Variants in NRDE2 observed in about 807,000 individuals in gnomAD.
NRDE2 encodes nuclear exosome regulator NRDE2.
In NRDE2, 76 loss-of-function variants were observed where a neutral mutation model predicts 124.2. That is an observed-to-expected ratio of 0.61 (90% CI 0.51 to 0.74). NRDE2 has a LOEUF of 0.74. Ranked by LOEUF, NRDE2 falls within the 30% of genes least tolerant of loss-of-function variation. The probability of loss-of-function intolerance (pLI) is 0.00; values close to 1 mark genes in which losing one functional copy is unlikely to be tolerated. For missense variants in NRDE2, 1,314 were observed against 1,417.3 expected (o/e 0.93, Z 1.17); for synonymous variants, 489 against 528.1 (o/e 0.93, Z 1.01).
chr14:90,319,164 A>G (rs144945928), intron 1 of NRDE2, among the ~76,000 whole-genome samples: 214 of 152,246 alleles, frequency 1.4e-3, no homozygotes, highest in African/African-American at 5.0e-3. Flanking sequence ...AAGAAAAAAA[A>G]CATGGGATGG....
intron 1 of NRDE2, among the ~76,000 whole-genome samples, chr14:90,330,350 C>T (rs1028369019): frequency 1.3e-5 from 2 of 152,118 alleles, no homozygotes; most frequent in East Asian, 1.9e-4. Context: ...TATTAAGTAA[C>T]TACTATCGAT....
intron 1 of NRDE2, among the ~76,000 whole-genome samples, chr14:90,327,972 T>C (rs989846345): frequency 6.6e-6 from 1 of 152,098 alleles, no homozygotes; most frequent in Non-Finnish European, 1.5e-5. Context: ...TGAAACCCCC[T>C]ATCTACTAAA....
intron 7 of NRDE2, among the ~76,000 whole-genome samples, chr14:90,299,178 C>G (rs1475396829): frequency 6.6e-6 from 1 of 152,140 alleles, no homozygotes; most frequent in Non-Finnish European, 1.5e-5. Flanking sequence ...TCCCGAGTAG[C>G]TGGGATTACA....
chr14:90,321,921 G>T (rs146795346), intron 1 of NRDE2, among the ~76,000 whole-genome samples: 3 of 152,110 alleles, frequency 2.0e-5, no homozygotes, highest in African/African-American at 7.2e-5. Context: ...CAGAGGGAGG[G>T]GCTGGGTCTG....
chr14:90,290,176 T>C (rs1191305016), intron 10 of NRDE2, 45 bp downstream of exon 10: 2 of 1,586,518 alleles, frequency 1.3e-6, no homozygotes, highest in Non-Finnish European at 8.6e-7. Context: ...AACACTGACA[T>C]GAAATGAAAA....
intron 8 of NRDE2, among the ~76,000 whole-genome samples, chr14:90,294,651 AAGT>A (rs1171528512): frequency 2.6e-5 from 4 of 152,116 alleles, no homozygotes; most frequent in Admixed American, 2.0e-4. Context: ...TAGAGACAGA[AAGT>A]AGAATGACTG....
At chr14:90,294,306 A>G (rs1438998544) in intron 8 of NRDE2, among the ~76,000 whole-genome samples, 1 of 151,828 alleles carries the variant, frequency 6.6e-6, no homozygotes, top group African/African-American at 2.4e-5. Flanking sequence ...GGAAAACAGC[A>G]TGGCATACTA....
chr14:90,280,200 T>G (rs370165866), intron 12 of NRDE2: 10 of 152,148 alleles, frequency 6.6e-5, no homozygotes, highest in African/African-American at 1.9e-4. Context: ...CCCACCTCAG[T>G]CTCCCAAGTA....
chr14:90,321,478 G>A (rs1346780086), intron 1 of NRDE2, among the ~76,000 whole-genome samples: 1 of 149,522 alleles, frequency 6.7e-6, no homozygotes, highest in African/African-American at 2.5e-5. Context: ...TTGGGAAGCT[G>A]AGAAGGGAGG....
intron 10 of NRDE2, 144 bp downstream of exon 10, chr14:90,290,077 C>T (rs538554478): frequency 1.2e-6 from 1 of 837,990 alleles, no homozygotes; most frequent in Admixed American, 2.9e-5. Flanking sequence ...AGGGCAAACA[C>T]ACACAAGGTG....
At chr14:90,325,339 G>A (rs544796260) in intron 1 of NRDE2, among the ~76,000 whole-genome samples, 3 of 152,192 alleles carry the variant, frequency 2.0e-5, no homozygotes, top group Admixed American at 1.3e-4. Context: ...TAGGGTACAC[G>A]ATCCTAGTCA....
At position 90,298,328 on chromosome 14, in the gene NRDE2, T is replaced by C; in HGVS notation, c.1598A>G (p.Lys533Arg). The change falls in exon 8 of 14, where the codon AAG (lysine) becomes AGG (arginine). Residue 533 changes from lysine (K) to arginine (R), a missense_variant. Lys to Arg is a conservative substitution (Grantham distance 26). Coordinates refer to ENST00000354366, the MANE Select transcript of NRDE2 (RefSeq NM_017970.4). ...CCACGCCTTCCAGCCTCGGGCTCCCTTCTCCCCAGCCCGGGGCTCTCCACT... is the reference window on the plus strand; with the variant it reads ...CCACGCCTTCCAGCCTCGGGCTCCCCTCTCCCCAGCCCGGGGCTCTCCACT... ...WDSGEPRAGE[K>R]GARGWKAWMH... The C allele has an allele frequency of 6.2e-7, 1 of 1,613,718 alleles. No individual in the cohort carries two copies. Among genetic ancestry groups the C allele is most frequent in the Non-Finnish European group, 8.5e-7 (1 of 1,179,932 alleles).
intron 1 of NRDE2, among the ~76,000 whole-genome samples, chr14:90,328,708 T>C (rs906666951): frequency 1.3e-5 from 2 of 152,184 alleles, no homozygotes; most frequent in Non-Finnish European, 2.9e-5. Context: ...ATTAATTGAC[T>C]AGAGGTAAAT....
At chr14:90,312,357 T>C (rs749746035) in intron 4 of NRDE2, 37 bp downstream of exon 4, 18 of 1,609,988 alleles carry the variant, frequency 1.1e-5, no homozygotes, top group Non-Finnish European at 1.4e-5. Flanking sequence ...AAAGTCACTT[T>C]CCTACAGTGA....
chr14:90,305,554 C>G (rs909385131), intron 4 of NRDE2, among the ~76,000 whole-genome samples: 3 of 152,174 alleles, frequency 2.0e-5, no homozygotes, highest in Non-Finnish European at 4.4e-5. Flanking sequence ...GATAAGTAAA[C>G]AGAGGTACAG....
At chr14:90,329,398 C>T (rs969771583) in intron 1 of NRDE2, among the ~76,000 whole-genome samples, 2 of 152,180 alleles carry the variant, frequency 1.3e-5, no homozygotes, top group African/African-American at 4.8e-5. Flanking sequence ...TCTTGAAGAT[C>T]CATCCAAAAC....
chr14:90,281,826 A>G (rs1653637696), intron 12 of NRDE2, among the ~76,000 whole-genome samples: 1 of 152,198 alleles, frequency 6.6e-6, no homozygotes, highest in African/African-American at 2.4e-5. Context: ...TGCTCCCTCC[A>G]TGTGCTCCTG....
At chr14:90,292,928 T>G in intron 8 of NRDE2, 56 bp from the exon 9 acceptor site, 1 of 1,523,104 alleles carries the variant, frequency 6.6e-7, no homozygotes, top group Non-Finnish European at 9.0e-7. Context: ...CCATCGCCAC[T>G]CAATCAGCCT....
At chr14:90,330,731 C>T (rs1288507699) in intron 1 of NRDE2, among the ~76,000 whole-genome samples, 1 of 151,350 alleles carries the variant, frequency 6.6e-6, no homozygotes, top group Non-Finnish European at 1.5e-5. Flanking sequence ...GAAGTTAAGC[C>T]CAGGAGTCTG....
Sources: allele counts gnomAD v4.1 joint callset (sites outside exome capture counted in the v4.1 genomes callset), GRCh38; gene constraint gnomAD v4.1.1; transcripts MANE v1.5; gene names NCBI Gene and HGNC (gene_info 2026-07-23, HGNC 2026-07-21).